Variants in BCL9 observed in about 807,000 individuals in gnomAD.
The protein encoded by BCL9 is BCL9 transcription coactivator.
A neutral mutation model predicts 88.5 loss-of-function variants in BCL9; 25 were observed. The observed-to-expected ratio is 0.28, with a 90% confidence interval of 0.21 to 0.39. The LOEUF is 0.39. BCL9 is among the 10% of genes least tolerant of loss of function. The pLI, the probability that BCL9 is intolerant of heterozygous loss-of-function variation, is 1.00. For synonymous variants in BCL9, 711 were observed against 673.3 expected, an observed-to-expected ratio of 1.06 and a Z score of -0.87; for missense variants, 1,817 against 1,877.8, an observed-to-expected ratio of 0.97 and a Z score of 0.60.
intron 1 of BCL9, among the ~76,000 whole-genome samples, chr1:147,589,486 C>T (rs2101567608): frequency 6.6e-6 from 1 of 152,342 alleles, no homozygotes; most frequent in Admixed American, 6.5e-5. Flanking sequence ...ATACTATTTG[C>T]AGTCGATCCC....
chr1:147,607,109 C>T (rs1553202093), intron 3 of BCL9, among the ~76,000 whole-genome samples: 1 of 152,168 alleles, frequency 6.6e-6, no homozygotes, highest in Non-Finnish European at 1.5e-5. Context: ...GTGCCTGGCT[C>T]ATTTCACTTA....
chr1:147,625,055 T>A lies in BCL9; in HGVS notation c.*96T>A. The A allele has an allele frequency of 4.1e-6, 6 of 1,449,508 alleles. No individual in the cohort carries two copies. Among genetic ancestry groups the A allele is most frequent in the Non-Finnish European group, 5.6e-6 (6 of 1,079,074 alleles). The allele number at this position is 1,449,508 out of a possible 1,614,324, so 89.8% of individuals were successfully genotyped here. ...TTCCAGGAGTACTTACTATTGGTCATGCAATAGGAGAACAGAGACCCGAGG... is the reference window on the plus strand; with the variant it reads ...TTCCAGGAGTACTTACTATTGGTCAAGCAATAGGAGAACAGAGACCCGAGG... On this transcript the variant is annotated 3_prime_UTR_variant, in exon 10 of 10. Transcript: ENST00000234739.
At chr1:147,599,571 G>A (rs1244821898) in intron 1 of BCL9, among the ~76,000 whole-genome samples, 3 of 152,044 alleles carry the variant, frequency 2.0e-5, no homozygotes, top group Non-Finnish European at 4.4e-5. Context: ...AGGAGGGGAC[G>A]GGAAGAGGAG....
rs587659528 is a variant in BCL9, at chr1:147,584,684, G to T, written c.-477-20093G>T. Among the ~76,000 whole-genome samples, 18 of 152,284 alleles carry T rather than the reference G, an allele frequency of 1.2e-4. No individual in the cohort carries two copies. The East Asian group carries it at 3.3e-3, about 28-fold the overall frequency. On this transcript the variant is annotated intron_variant, in intron 1 of 9. Transcript: ENST00000234739. ...CTGGATTTTCAGACTTATGTCTTGT[G>T]TGCGCCTCCCAGGTACTACTCCTTT... is the stretch of plus-strand genomic sequence containing the variant.
At chr1:147,563,285 C>A (rs1553196315) in intron 1 of BCL9, among the ~76,000 whole-genome samples, 2 of 152,126 alleles carry the variant, frequency 1.3e-5, no homozygotes, top group African/African-American at 4.8e-5. Context: ...TCCTCTTCAC[C>A]AAAAGTAAGC....
At chr1:147,552,432 C>A (rs1391718575) in intron 1 of BCL9, among the ~76,000 whole-genome samples, 2 of 151,774 alleles carry the variant, frequency 1.3e-5, no homozygotes, top group Non-Finnish European at 2.9e-5. Context: ...ACATGGAAAC[C>A]CTGTCTCTAC....
chr1:147,605,758 A>C (rs2101598700), intron 2 of BCL9, among the ~76,000 whole-genome samples: 1 of 152,286 alleles, frequency 6.6e-6, no homozygotes, highest in East Asian at 1.9e-4. Flanking sequence ...AGAAGTTAAG[A>C]ATGAGCTAGG....
Position 147,612,830 on chromosome 1 carries a change from G to T in BCL9, c.54-53G>T, listed in dbSNP as rs587691935. The T allele has an allele frequency of 1.2e-5, 19 of 1,553,190 alleles. No homozygotes were observed. In the African/African-American group the frequency reaches 2.2e-4, roughly 18 times the overall value. On this transcript the variant is annotated intron_variant, in intron 4 of 9. Transcript: ENST00000234739. ...TAGAAACTGCCTCTCTCTAATTTGT[G>T]CTGACCAGCTGTATCTGGTGTCTGA...
intron 1 of BCL9, chr1:147,600,187 C>T (rs1414162209): frequency 5.0e-5 from 8 of 160,808 alleles, no homozygotes; most frequent in Admixed American, 1.3e-4. Context: ...CGGAGTGGGA[C>T]GGCGCCGCCG....
chr1:147,577,176 T>A (rs1656147644), intron 1 of BCL9, among the ~76,000 whole-genome samples: 2 of 152,158 alleles, frequency 1.3e-5, no homozygotes, highest in Admixed American at 6.5e-5. Context: ...AGCATGAGTA[T>A]CTTACGATAC....
At chr1:147,587,838 G>T (rs898933853) in intron 1 of BCL9, among the ~76,000 whole-genome samples, 4 of 151,832 alleles carry the variant, frequency 2.6e-5, no homozygotes, top group Admixed American at 6.6e-5. Context: ...CAGCCCAGGG[G>T]TATTTCAACT....
chr1:147,558,539 C>A (rs953626068), intron 1 of BCL9, among the ~76,000 whole-genome samples: 1 of 152,126 alleles, frequency 6.6e-6, no homozygotes, highest in Admixed American at 6.6e-5. Flanking sequence ...GAACCACACA[C>A]GCTCTGTGGA....
intron 1 of BCL9, among the ~76,000 whole-genome samples, chr1:147,550,923 T>C (rs12081028): frequency 0.096 from 14,609 of 152,248 alleles, 904 homozygotes; most frequent in East Asian, 0.18. Flanking sequence ...TTACCTGATA[T>C]GTAAAAGGCA....
chr1:147,603,003 C>T (rs1553201529), intron 1 of BCL9, among the ~76,000 whole-genome samples: 1 of 152,196 alleles, frequency 6.6e-6, no homozygotes, highest in African/African-American at 2.4e-5. Context: ...ACCACCTGCC[C>T]TAACCACTCA....
chr1:147,588,161 T>C (rs1414909905), intron 1 of BCL9, among the ~76,000 whole-genome samples: 1 of 152,226 alleles, frequency 6.6e-6, no homozygotes, highest in African/African-American at 2.4e-5. Flanking sequence ...ATCTGTTGCC[T>C]GGATCCATAA....
chr1:147,607,887 G>A (rs1009244068), intron 3 of BCL9, among the ~76,000 whole-genome samples: 1 of 152,158 alleles, frequency 6.6e-6, no homozygotes, highest in African/African-American at 2.4e-5. Flanking sequence ...CAGATCTGCT[G>A]GAATGGACCT....
intron 1 of BCL9, among the ~76,000 whole-genome samples, chr1:147,577,834 A>ATGTGTGTGTGTGTGTGTGTGTG: frequency 7.1e-6 from 1 of 141,144 alleles, no homozygotes; most frequent in East Asian, 2.2e-4. Context: ...TTTTCTACCA[A>ATGTGTGTGTGTGTGTGTGTGTG]TGTGTGTGTG....
At chr1:147,554,413 G>T (rs1348410943) in intron 1 of BCL9, among the ~76,000 whole-genome samples, 1 of 152,134 alleles carries the variant, frequency 6.6e-6, no homozygotes, top group Non-Finnish European at 1.5e-5. Context: ...TAAAATTAAC[G>T]AAAATTTCAG....
chr1:147,573,536 C>T (rs1292177736), intron 1 of BCL9, among the ~76,000 whole-genome samples: 1 of 152,190 alleles, frequency 6.6e-6, no homozygotes, highest in Non-Finnish European at 1.5e-5. Context: ...GTGGAAGCAA[C>T]TCGGTGGGAC....
Sources: gnomAD v4.1 joint callset for allele counts (sites outside exome capture counted in the v4.1 genomes callset) on GRCh38, gnomAD v4.1.1 for gene constraint, MANE v1.5 for transcripts, NCBI Gene and HGNC (gene_info 2026-07-23, HGNC 2026-07-21) for gene names.